LDLRAD3: variants seen among roughly 807,000 people sequenced by gnomAD.
LDLRAD3 encodes the protein low-density lipoprotein receptor class A domain-containing protein 3.
In LDLRAD3, 20 loss-of-function variants were observed where a neutral mutation model predicts 29.4. That is an observed-to-expected ratio of 0.68 (90% CI 0.48 to 0.99). The LOEUF is 0.99. Ranked by LOEUF, LDLRAD3 falls within the 50% of genes least tolerant of loss-of-function variation. The pLI, the probability that LDLRAD3 is intolerant of heterozygous loss-of-function variation, is 0.00. For missense variants in LDLRAD3, 420 were observed against 454.3 expected (o/e 0.92, Z 0.69); for synonymous variants, 157 against 192.7 (o/e 0.81, Z 1.53).
At chr11:36,090,637 G>C (rs1853266679) in intron 3 of LDLRAD3, among the ~76,000 whole-genome samples, 1 of 152,136 alleles carries the variant, frequency 6.6e-6, no homozygotes, top group South Asian at 2.1e-4. Context: ...TTCTGCCAGT[G>C]GCCCCTTGCA....
intron 2 of LDLRAD3, among the ~76,000 whole-genome samples, chr11:36,051,134 A>T (rs1852521899): frequency 6.6e-6 from 1 of 152,234 alleles, no homozygotes; most frequent in South Asian, 2.1e-4. Context: ...CTTTCATGGA[A>T]AAAGAAAGCC....
rs995132278 is a variant in LDLRAD3, at chr11:36,102,034, G to A, written c.454+3573G>A. On this transcript the variant is annotated intron_variant, in intron 4 of 5. Transcript: ENST00000315571. ...CTCCCGAGTAGCTGGAACTACAGGCGCCCGCCACTACGCCTGGCTTATTTT... is the reference window on the plus strand; with the variant it reads ...CTCCCGAGTAGCTGGAACTACAGGCACCCGCCACTACGCCTGGCTTATTTT... The A allele has an allele frequency of 4.6e-4, 88 of 192,898 alleles. 2 individuals are homozygous for A. Among genetic ancestry groups the A allele is most frequent in the Non-Finnish European group, 6.8e-4 (63 of 92,242 alleles). The allele number at this position is 192,898 out of a possible 1,614,324, so 11.9% of individuals were successfully genotyped here.
chr11:36,064,479 ATTT>A (rs34464861), intron 2 of LDLRAD3, among the ~76,000 whole-genome samples: 309 of 120,570 alleles, frequency 2.6e-3, no homozygotes, highest in East Asian at 9.2e-3. Context: ...TGGCTAATTA[ATTT>A]TTTTTTTTTT....
intron 4 of LDLRAD3, among the ~76,000 whole-genome samples, chr11:36,170,609 T>G (rs1854584939): frequency 1.3e-5 from 2 of 152,150 alleles, no homozygotes; most frequent in Admixed American, 1.3e-4. Flanking sequence ...TGTACTAGTT[T>G]ACATTCCTAC....
intron 1 of LDLRAD3, among the ~76,000 whole-genome samples, chr11:35,948,527 T>A (rs1851089937): frequency 6.6e-6 from 1 of 152,052 alleles, no homozygotes; most frequent in African/African-American, 2.4e-5. Context: ...TGTGAAAAAA[T>A]CTACTCACTT....
At chr11:36,050,789 C>G (rs1009056533) in intron 2 of LDLRAD3, among the ~76,000 whole-genome samples, 1 of 152,182 alleles carries the variant, frequency 6.6e-6, no homozygotes, top group Non-Finnish European at 1.5e-5. Flanking sequence ...ATACCACTAA[C>G]TGGGTGGCTT....
intron 4 of LDLRAD3, among the ~76,000 whole-genome samples, chr11:36,143,575 C>G (rs760420673): frequency 4.6e-5 from 7 of 152,180 alleles, no homozygotes; most frequent in Non-Finnish European, 1.0e-4. Flanking sequence ...AAAAGAGAAA[C>G]AGGTATGGAG....
At position 36,147,361 on chromosome 11, in the gene LDLRAD3, A is replaced by G. The variant is rs956032493; in HGVS notation, c.454+48900A>G. On this transcript the variant is annotated intron_variant, in intron 4 of 5. Transcript: ENST00000315571. ...TCTCAATCTCCTGACTTTGTGATCCACCCGCCTCGGCCTCCCAAAGTGCTG... is the reference window on the plus strand; with the variant it reads ...TCTCAATCTCCTGACTTTGTGATCCGCCCGCCTCGGCCTCCCAAAGTGCTG... Among the ~76,000 whole-genome samples, 4 of 148,570 alleles carry G rather than the reference A, an allele frequency of 2.7e-5. No homozygotes were observed. In the East Asian group the frequency reaches 8.0e-4, roughly 30 times the overall value.
At chr11:36,122,553 C>T (rs1334777860) in intron 4 of LDLRAD3, among the ~76,000 whole-genome samples, 5 of 152,018 alleles carry the variant, frequency 3.3e-5, no homozygotes, top group Non-Finnish European at 5.9e-5. Flanking sequence ...TACTGCATGA[C>T]GATGATGATA....
chr11:36,215,331 G>A (rs1025018850), intron 4 of LDLRAD3, among the ~76,000 whole-genome samples: 2 of 152,224 alleles, frequency 1.3e-5, no homozygotes, highest in African/African-American at 4.8e-5. Context: ...CCACTGGAAG[G>A]TTTTGAGCTG....
chr11:35,999,677 G>C (rs866496139), intron 1 of LDLRAD3, among the ~76,000 whole-genome samples: 5 of 152,222 alleles, frequency 3.3e-5, no homozygotes, highest in African/African-American at 7.2e-5. Flanking sequence ...AAGACCCAAA[G>C]GGAGGGGTGT....
chr11:36,016,653 A>C (rs895331705), intron 1 of LDLRAD3, among the ~76,000 whole-genome samples: 5 of 152,244 alleles, frequency 3.3e-5, no homozygotes, highest in African/African-American at 1.2e-4. Flanking sequence ...TAGAAAATAT[A>C]CCCACATTCT....
intron 4 of LDLRAD3, among the ~76,000 whole-genome samples, chr11:36,169,749 A>G (rs1369604929): frequency 1.3e-5 from 2 of 152,212 alleles, no homozygotes; most frequent in Non-Finnish European, 2.9e-5. Context: ...ATAGAGCTGC[A>G]TAAGCATGGG....
intron 3 of LDLRAD3, among the ~76,000 whole-genome samples, chr11:36,087,064 A>G (rs1037212859): frequency 1.3e-5 from 2 of 152,206 alleles, no homozygotes; most frequent in South Asian, 2.1e-4. Flanking sequence ...TAATGACCCC[A>G]CAGGGAGGCA....
At chr11:36,116,465 A>G (rs746845371) in intron 4 of LDLRAD3, among the ~76,000 whole-genome samples, 9 of 152,048 alleles carry the variant, frequency 5.9e-5, no homozygotes, top group African/African-American at 7.3e-5. Flanking sequence ...AGGCGCTTCT[A>G]TTGTCTAAAG....
At chr11:36,046,274 G>A (rs187751064) in intron 2 of LDLRAD3, among the ~76,000 whole-genome samples, 3 of 152,268 alleles carry the variant, frequency 2.0e-5, no homozygotes, top group East Asian at 3.9e-4. Context: ...CATGCAAGAC[G>A]TGGCTTTGCT....
intron 4 of LDLRAD3, among the ~76,000 whole-genome samples, chr11:36,157,875 C>T (rs1431615651): frequency 6.6e-6 from 1 of 152,134 alleles, no homozygotes; most frequent in African/African-American, 2.4e-5. Flanking sequence ...GTAGATGCTT[C>T]CAGGTTCTGG....
intron 2 of LDLRAD3, among the ~76,000 whole-genome samples, chr11:36,042,185 C>T (rs779642316): frequency 6.6e-5 from 10 of 152,024 alleles, no homozygotes; most frequent in African/African-American, 1.9e-4. Flanking sequence ...GCATCTGCCT[C>T]GTCTTCTGCC....
chr11:36,177,639 A>G (rs986124355), intron 4 of LDLRAD3, among the ~76,000 whole-genome samples: 2 of 152,182 alleles, frequency 1.3e-5, no homozygotes, highest in Admixed American at 1.3e-4. Context: ...GGTGCTAGGG[A>G]GTGCCTGCAG....
Sources: gnomAD v4.1 joint callset for allele counts (sites outside exome capture counted in the v4.1 genomes callset) on GRCh38, gnomAD v4.1.1 for gene constraint, MANE v1.5 for transcripts, NCBI Gene and HGNC (gene_info 2026-07-23, HGNC 2026-07-21) for gene names.